WIPI1: variants seen among roughly 807,000 people sequenced by gnomAD.
WIPI1 encodes WD repeat domain phosphoinositide-interacting protein 1.
A neutral mutation model predicts 55.3 loss-of-function variants in WIPI1; 45 were observed. The ratio of observed to expected loss-of-function variants is 0.81; its 90% CI spans 0.64 to 1.04. The LOEUF (loss-of-function observed/expected upper bound fraction) is 1.04, where lower values mean the gene tolerates loss of function less well. Ranked by LOEUF, WIPI1 falls within the 50% of genes least tolerant of loss-of-function variation. The pLI, the probability that WIPI1 is intolerant of heterozygous loss-of-function variation, is 0.00. For synonymous variants in WIPI1, 195 were observed against 217.6 expected, an observed-to-expected ratio of 0.90 and a Z score of 0.92; for missense variants, 445 against 559.0, an observed-to-expected ratio of 0.80 and a Z score of 2.06.
At chr17:68,433,369 T>C (rs1437740768) in intron 8 of WIPI1, 99 bp downstream of exon 8, 3 of 1,116,036 alleles carry the variant, frequency 2.7e-6, no homozygotes, top group East Asian at 4.8e-5. Context: ...AAGCCAAGAT[T>C]GGGTGTTCAG....
At chr17:68,431,366 G>A (rs1325572914) in intron 8 of WIPI1, among the ~76,000 whole-genome samples, 1 of 152,044 alleles carries the variant, frequency 6.6e-6, no homozygotes, top group Non-Finnish European at 1.5e-5. Flanking sequence ...GCTGGGGACT[G>A]AGCATGGAGC....
At chr17:68,449,468 A>G (rs2084412918) in intron 3 of WIPI1, among the ~76,000 whole-genome samples, 1 of 152,206 alleles carries the variant, frequency 6.6e-6, no homozygotes, top group South Asian at 2.1e-4. Context: ...TATGATTCAG[A>G]TCAGTGTCCC....
At position 68,428,886 on chromosome 17, in the gene WIPI1, T is replaced by C. The variant is rs1568626156; in HGVS notation, c.1016A>G (p.Tyr339Cys). 3 of 1,614,136 alleles carry C rather than the reference T, an allele frequency of 1.9e-6. No individual in the cohort carries two copies. Among genetic ancestry groups the C allele is most frequent in the South Asian group, 1.1e-5 (1 of 91,076 alleles). Residue 339 changes from tyrosine to cysteine, a missense_variant, in exon 10 of 13, where the codon TAT (tyrosine) becomes TGT (cysteine). Transcript: ENST00000262139. ...LLVASSSGHL[Y>C]MYNLDPQDGG... is the part of the protein sequence containing the mutation. ...ATCCTGAGGATCCAAATTGTACATA[T>C]AAAGGTGTCCACTGGATGACGCAAC...
At position 68,435,818 on chromosome 17, in the gene WIPI1, C is replaced by T. The variant is rs1722611903; in HGVS notation, c.529-106G>A. 3.0e-6 allele frequency: 3 copies of T among 1,009,754 alleles called. No homozygotes were observed. In the South Asian group the frequency reaches 4.2e-5, roughly 14 times the overall value. The allele number at this position is 1,009,754 out of a possible 1,614,324, so 62.5% of individuals were successfully genotyped here. A position where few individuals can be genotyped will look rare whatever the true frequency, so the allele number is the denominator to read the frequency against. On this transcript the variant is annotated intron_variant, in intron 5 of 12. Coordinates refer to ENST00000262139, the MANE Select transcript of WIPI1 (RefSeq NM_017983.7). ...TCCTTTCTCCCTCCTTTGTCCAGCT[C>T]CCTGTCTCTTCCTCTGTCCCCCAGG... is the stretch of plus-strand genomic sequence containing the variant.
intron 3 of WIPI1, among the ~76,000 whole-genome samples, chr17:68,445,155 G>A (rs1453475897): frequency 6.6e-6 from 1 of 152,044 alleles, no homozygotes; most frequent in Non-Finnish European, 1.5e-5. Context: ...CCCGACCTCA[G>A]GTGATCTGCC....
At chr17:68,422,692 A>G (rs1240895668) in intron 12 of WIPI1, 1 of 143,900 alleles carries the variant, frequency 6.9e-6, no homozygotes, top group African/African-American at 2.6e-5. Flanking sequence ...TCACGCCAAC[A>G]CATTCTAGCC....
rs574416305 is a variant in WIPI1, at chr17:68,421,380, G to A, written c.*393C>T. 2.3e-5 allele frequency: 4 copies of A among 173,032 alleles called. No homozygotes were observed. In the East Asian group the frequency reaches 5.9e-4, roughly 25 times the overall value. The allele number at this position is 173,032 out of a possible 1,614,324, so 10.7% of individuals were successfully genotyped here. ...CAAAAAAGACTTTGCCTGGCTAAAAGAGTCTCTCTCTAAGTATGTAATATA... is the reference window on the plus strand; with the variant it reads ...CAAAAAAGACTTTGCCTGGCTAAAAAAGTCTCTCTCTAAGTATGTAATATA... On this transcript the variant is annotated 3_prime_UTR_variant, in exon 13 of 13. Transcript: ENST00000262139.
intron 11 of WIPI1, among the ~76,000 whole-genome samples, chr17:68,426,565 C>T (rs909355558): frequency 2.6e-5 from 4 of 152,200 alleles, no homozygotes; most frequent in Non-Finnish European, 5.9e-5. Flanking sequence ...CAGAGTCTCA[C>T]TCTTTCACCC....
chr17:68,427,301 A>C (rs199609940), intron 10 of WIPI1, 48 bp from the exon 11 acceptor site: 35 of 1,407,846 alleles, frequency 2.5e-5, no homozygotes, highest in Admixed American at 2.2e-4. Context: ...AAATCATCAT[A>C]TATCTAGGAC....
intron 3 of WIPI1, 31 bp downstream of exon 3, chr17:68,450,697 C>A: frequency 1.3e-6 from 2 of 1,581,294 alleles, no homozygotes; most frequent in South Asian, 2.3e-5. Flanking sequence ...TTAGCAGAAG[C>A]TTTGAAACCC....
chr17:68,431,783 A>ATGAG (rs1364782531), intron 8 of WIPI1, among the ~76,000 whole-genome samples: 2 of 8,504 alleles, frequency 2.4e-4, no homozygotes, highest in South Asian at 3.1e-3. Flanking sequence ...TTGAGCGGAG[A>ATGAG]ACCCAGAACA....
intron 2 of WIPI1, among the ~76,000 whole-genome samples, chr17:68,451,428 G>A (rs958976580): frequency 1.2e-4 from 18 of 152,230 alleles, no homozygotes; most frequent in Non-Finnish European, 2.2e-4. Flanking sequence ...GCAAGACTCC[G>A]TCTCAAGAAA....
chr17:68,430,496 G>C (rs113403320), intron 8 of WIPI1, among the ~76,000 whole-genome samples: 4 of 152,304 alleles, frequency 2.6e-5, no homozygotes, highest in African/African-American at 9.6e-5. Context: ...AGATGGACTT[G>C]ATATCCAGGT....
chr17:68,453,106 C>A, intron 1 of WIPI1, 114 bp from the exon 2 acceptor site: 1 of 755,644 alleles, frequency 1.3e-6, no homozygotes, highest in Non-Finnish European at 2.3e-6. Flanking sequence ...CAAGCATCTG[C>A]AGGAGCTTAG....
chr17:68,436,455 T>C lies in WIPI1; in HGVS notation c.455A>G (p.His152Arg). The C allele has an allele frequency of 6.2e-7, 1 of 1,613,804 alleles. No homozygotes were observed. The highest frequency in any genetic ancestry group is 8.5e-7 in the Non-Finnish European group (1 of 1,179,862). ...AGGATAGGCCAGGTAAGAATTGGAA[T>C]GGTTGATAGAGAGAGCACATAGACC... ...PTGLCALSIN[H>R]SNSYLAYPGS... Residue 152 changes from histidine (H) to arginine (R), a missense_variant, in exon 5 of 13, where the codon CAT (histidine) becomes CGT (arginine). Coordinates refer to ENST00000262139, the MANE Select transcript of WIPI1 (RefSeq NM_017983.7).
chr17:68,457,045 C>T (rs2084661307), intron 1 of WIPI1, among the ~76,000 whole-genome samples: 1 of 152,178 alleles, frequency 6.6e-6, no homozygotes, highest in Non-Finnish European at 1.5e-5. Flanking sequence ...CCGCCCTGCT[C>T]CCCCCATATT....
At chr17:68,427,076 G>C in intron 11 of WIPI1, 59 bp downstream of exon 11, 1 of 1,414,136 alleles carries the variant, frequency 7.1e-7, no homozygotes, top group Non-Finnish European at 1.0e-6. Context: ...AGCGTGCAGG[G>C]AGAAGGGGAG....
intron 1 of WIPI1, among the ~76,000 whole-genome samples, chr17:68,454,340 C>G (rs544638019): frequency 6.6e-6 from 1 of 152,220 alleles, no homozygotes; most frequent in Non-Finnish European, 1.5e-5. Flanking sequence ...AAGCAACTTA[C>G]TATTACAAGC....
rs1243828704 is a variant in WIPI1 at position 68,426,112 on chromosome 17, C to T, written c.1256G>A (p.Gly419Glu). ...ATTCTCATCATCAAGACACACTGGT[C>T]CCGTCGCAAACTCATGTTCAGGAAT... ...EVIPEHEFATGPVCLDDENEF... is the reference protein window; with the variant it reads ...EVIPEHEFATEPVCLDDENEF... Residue 419 changes from glycine to glutamate, a missense_variant, in exon 12 of 13, where the codon GGA becomes GAA. By Grantham distance (98) the Gly-to-Glu change is moderately conservative. Transcript: ENST00000262139. 1.2e-6 allele frequency: 2 copies of T among 1,612,666 alleles called. No homozygotes were observed. The highest frequency in any genetic ancestry group is 1.1e-5 in the South Asian group (1 of 91,014).
Sources: allele counts gnomAD v4.1 joint callset (sites outside exome capture counted in the v4.1 genomes callset), GRCh38; gene constraint gnomAD v4.1.1; transcripts MANE v1.5; gene names NCBI Gene and HGNC (gene_info 2026-07-23, HGNC 2026-07-21).